ITPR2: variants seen among roughly 807,000 people sequenced by gnomAD.
ITPR2 encodes the protein inositol 1,4,5-trisphosphate receptor type 2.
In ITPR2, 207 loss-of-function variants were observed where a neutral mutation model predicts 317.1. That is an observed-to-expected ratio of 0.65 (90% CI 0.58 to 0.73). The LOEUF (loss-of-function observed/expected upper bound fraction) is 0.73. Ranked by LOEUF, ITPR2 falls within the 30% of genes least tolerant of loss-of-function variation. The pLI is 0.00. For synonymous variants in ITPR2, 1,156 were observed against 1,149.1 expected (o/e 1.01, Z -0.12); for missense variants, 2,613 against 3,284.0 (o/e 0.80, Z 4.99).
intron 52 of ITPR2, among the ~76,000 whole-genome samples, chr12:26,408,330 T>C (rs1250777248): frequency 1.3e-5 from 2 of 152,236 alleles, no homozygotes; most frequent in African/African-American, 2.4e-5. Context: ...TTGTACTGAA[T>C]AGACTTAACT....
chr12:26,466,239 T>C (rs1030936787), intron 45 of ITPR2, among the ~76,000 whole-genome samples: 1 of 152,240 alleles, frequency 6.6e-6, no homozygotes, highest in Admixed American at 6.5e-5. Context: ...CATTATTTCA[T>C]CTGTTGCGTT....
At chr12:26,813,069 G>A (rs1261933111) in intron 1 of ITPR2, among the ~76,000 whole-genome samples, 1 of 152,040 alleles carries the variant, frequency 6.6e-6, no homozygotes, top group Admixed American at 6.5e-5. Context: ...TTTCAAAAAA[G>A]TTACATAAAG....
intron 35 of ITPR2, 128 bp from the exon 36 acceptor site, chr12:26,556,503 G>A: frequency 1.2e-6 from 1 of 852,690 alleles, no homozygotes; most frequent in Non-Finnish European, 1.8e-6. Context: ...AGCAGCAAAT[G>A]TCTGTGCCAT....
intron 1 of ITPR2, among the ~76,000 whole-genome samples, chr12:26,800,082 G>A (rs572985759): frequency 1.3e-5 from 2 of 152,210 alleles, no homozygotes; most frequent in South Asian, 4.2e-4. Context: ...AACCCACCTA[G>A]TCTCACTCTC....
intron 45 of ITPR2, among the ~76,000 whole-genome samples, chr12:26,446,841 T>C (rs780355879): frequency 2.6e-5 from 4 of 151,326 alleles, no homozygotes; most frequent in Non-Finnish European, 4.4e-5. Flanking sequence ...TCTTTGAAAA[T>C]TTGAAATATA....
intron 21 of ITPR2, among the ~76,000 whole-genome samples, chr12:26,636,162 C>T (rs911667359): frequency 6.6e-6 from 1 of 152,184 alleles, no homozygotes; most frequent in South Asian, 2.1e-4. Context: ...TGTGTCCAGA[C>T]GGTCACACAA....
At chr12:26,404,994 C>T (rs916824180) in intron 52 of ITPR2, among the ~76,000 whole-genome samples, 1 of 151,948 alleles carries the variant, frequency 6.6e-6, no homozygotes, top group Non-Finnish European at 1.5e-5. Flanking sequence ...ATTAGCTGAG[C>T]ATGGTGGCAC....
chr12:26,757,341 G>A (rs1044540404), intron 2 of ITPR2, among the ~76,000 whole-genome samples: 3 of 151,504 alleles, frequency 2.0e-5, no homozygotes, highest in Admixed American at 6.6e-5. Flanking sequence ...TCAGCCTCCC[G>A]AGTAGCTGGG....
intron 26 of ITPR2, among the ~76,000 whole-genome samples, chr12:26,615,225 G>A (rs997072631): frequency 9.2e-5 from 14 of 152,038 alleles, no homozygotes; most frequent in African/African-American, 2.2e-4. Flanking sequence ...TCGGATCTCC[G>A]AGTTACCACA....
intron 37 of ITPR2, among the ~76,000 whole-genome samples, chr12:26,508,111 C>A (rs1034115111): frequency 6.6e-6 from 1 of 152,170 alleles, no homozygotes. Flanking sequence ...ACACCCATTT[C>A]TCTCCTGCAT....
intron 2 of ITPR2, among the ~76,000 whole-genome samples, chr12:26,741,504 C>A (rs1451149037): frequency 1.3e-5 from 2 of 152,102 alleles, no homozygotes; most frequent in African/African-American, 4.8e-5. Flanking sequence ...GAAATATAGT[C>A]CTTCCATTTT....
intron 37 of ITPR2, among the ~76,000 whole-genome samples, chr12:26,509,815 C>T (rs1484046631): frequency 6.6e-6 from 1 of 151,948 alleles, no homozygotes; most frequent in African/African-American, 2.4e-5. Flanking sequence ...CCATGGATAC[C>T]TCACACTACT....
intron 55 of ITPR2, among the ~76,000 whole-genome samples, chr12:26,382,677 A>ACAC (rs35671845): frequency 1.3e-5 from 2 of 151,242 alleles, no homozygotes; most frequent in South Asian, 2.1e-4. Flanking sequence ...ACACACACAC[A>ACAC]AAAAAAAAGA....
intron 2 of ITPR2, among the ~76,000 whole-genome samples, chr12:26,766,874 A>T (rs934526924): frequency 6.6e-6 from 1 of 152,246 alleles, no homozygotes; most frequent in African/African-American, 2.4e-5. Context: ...GAGGCAATAT[A>T]GGACAATTTG....
intron 54 of ITPR2, among the ~76,000 whole-genome samples, chr12:26,391,200 C>T (rs191212686): frequency 1.3e-5 from 2 of 152,276 alleles, no homozygotes; most frequent in Admixed American, 6.5e-5. Flanking sequence ...ATTATAATTA[C>T]AATAATCCAA....
intron 1 of ITPR2, among the ~76,000 whole-genome samples, chr12:26,798,216 G>A (rs1172321525): frequency 6.6e-6 from 1 of 152,034 alleles, no homozygotes; most frequent in East Asian, 1.9e-4. Context: ...CAGTAGAAGA[G>A]AAGAAAAAAA....
At chr12:26,633,785 T>C (rs1161708800) in intron 21 of ITPR2, among the ~76,000 whole-genome samples, 1 of 152,238 alleles carries the variant, frequency 6.6e-6, no homozygotes, top group Non-Finnish European at 1.5e-5. Context: ...GATTCAAGTA[T>C]GTATACGTGT....
Position 26,443,619 on chromosome 12 carries a change from A to T in ITPR2, c.6374T>A (p.Met2125Lys). The T allele has an allele frequency of 1.2e-6, 2 of 1,613,122 alleles. No individual in the cohort carries two copies. Among genetic ancestry groups the T allele is most frequent in the Non-Finnish European group, 1.7e-6 (2 of 1,179,244 alleles). The change falls in exon 46 of 57, where the codon ATG becomes AAG. Residue 2125 changes from methionine (M) to lysine (K), a missense_variant. Physicochemically the swap from Met to Lys is moderately conservative, Grantham distance 95. This residue lies in a region of ITPR2 where 926 missense variants were observed against 1,072.8 expected (regional missense o/e 0.86). Transcript: ENST00000381340. ...LARHNKLLQQ[M>K]LKPGSDPDEG... ...ATCTGGATCCGATCCTGGTTTGAGCATCTGCTGCAACAGTTTATTGTGGCG... is the reference window on the plus strand; with the variant it reads ...ATCTGGATCCGATCCTGGTTTGAGCTTCTGCTGCAACAGTTTATTGTGGCG...
In ITPR2 at chr12:26,622,185, TA is replaced by T. The variant is rs1369169931; in HGVS notation, c.3288+54del. ...GCAGCCATGAAGTCAGGTTGGATGT[TA>T]TTAACACTTTCAGAGCTTTTGCTGT... On this transcript the variant is annotated intron_variant, in intron 25 of 56. Coordinates refer to ENST00000381340, the MANE Select transcript of ITPR2 (RefSeq NM_002223.4). 3.3e-6 allele frequency: 5 copies of T among 1,514,766 alleles called. No individual in the cohort carries two copies. In the East Asian group the frequency reaches 1.1e-4, roughly 35 times the overall value. 93.8% of individuals were successfully genotyped at this position (1,514,766 alleles called of 1,614,324 possible). A position where few individuals can be genotyped will look rare whatever the true frequency, so the allele number is the denominator to read the frequency against.
Sources: gnomAD v4.1 joint callset for allele counts (sites outside exome capture counted in the v4.1 genomes callset) on GRCh38, gnomAD v4.1.1 for gene constraint, gnomAD v4.1.1 regional missense constraint, MANE v1.5 for transcripts, NCBI Gene and HGNC (gene_info 2026-07-23, HGNC 2026-07-21) for gene names.